The following STEAP2 variants were observed in gnomAD, a reference collection of about 807,000 sequenced individuals.
STEAP2 encodes the protein metalloreductase STEAP2.
Under a neutral mutation model 46.4 loss-of-function variants are expected in STEAP2, and 30 were observed. The observed-to-expected ratio is 0.65, with a 90% CI of 0.48 to 0.88. The LOEUF is 0.88. Among genes scored for constraint, STEAP2 ranks in the 40% least tolerant of loss-of-function variants. The probability of loss-of-function intolerance (pLI) is 0.00; values close to 1 mark genes in which losing one functional copy is unlikely to be tolerated. For synonymous variants in STEAP2, 180 were observed against 200.5 expected (o/e 0.90, Z 0.86); for missense variants, 513 against 579.3 (o/e 0.89, Z 1.18).
rs568257021 is a variant in STEAP2, at chr7:90,214,705, A to G, written c.-146-1786A>G. Among the ~76,000 whole-genome samples, 90 of 152,194 alleles carry G rather than the reference A, an allele frequency of 5.9e-4. 1 individual carries two copies. Among genetic ancestry groups the G allele is most frequent in the African/African-American group, 2.0e-3 (81 of 41,522 alleles). ...GAGAAACCAGAGCAGGCTGAAGGAG[A>G]GTGCAGGATATTAAGCAATTAGAGA... On this transcript the variant is annotated intron_variant, in intron 1 of 5. Coordinates refer to ENST00000394621, the MANE Select transcript of STEAP2 (RefSeq NM_001244944.2).
downstream of STEAP2, among the ~76,000 whole-genome samples, chr7:90,241,220 T>C (rs1339813843): frequency 6.6e-6 from 1 of 151,676 alleles, no homozygotes; most frequent in Admixed American, 6.6e-5. Context: ...CTTCTCAAAT[T>C]TTGATGTGAG....
rs1399643722 is a variant in STEAP2 at position 90,233,003 on chromosome 7, T to C, written c.*379T>C. On this transcript the variant is annotated 3_prime_UTR_variant, in exon 6 of 6. Transcript: ENST00000394621. ...TTTAAAATAATTCAATGGATATACATTTTTTTCTGAAGATTAAGATTTTAA... is the reference window on the plus strand; with the variant it reads ...TTTAAAATAATTCAATGGATATACACTTTTTTCTGAAGATTAAGATTTTAA... The C allele has an allele frequency of 2.1e-6, 2 of 964,094 alleles. No homozygotes were observed. The highest frequency in any genetic ancestry group is 6.1e-5 in the Admixed American group (1 of 16,356). The allele number at this position is 964,094 out of a possible 1,614,324, so 59.7% of individuals were successfully genotyped here. A position where few individuals can be genotyped will look rare whatever the true frequency, so the allele number is the denominator to read the frequency against.
Position 90,233,252 on chromosome 7 carries a change from A to G in STEAP2, c.*628A>G, listed in dbSNP as rs910396520. The G allele has an allele frequency of 1.1e-6, 1 of 938,314 alleles. No individual in the cohort carries two copies. The highest frequency in any genetic ancestry group is 1.8e-5 in the African/African-American group (1 of 56,202). The allele number at this position is 938,314 out of a possible 1,614,324, so 58.1% of individuals were successfully genotyped here. A position where few individuals can be genotyped will look rare whatever the true frequency, so the allele number is the denominator to read the frequency against. On this transcript the variant is annotated 3_prime_UTR_variant, in exon 6 of 6. Transcript: ENST00000394621. ...ATTATATTTAAAATATATTTGAGACATGAAATACATACTGATAATACATAC... is the reference window on the plus strand; with the variant it reads ...ATTATATTTAAAATATATTTGAGACGTGAAATACATACTGATAATACATAC...
chr7:90,212,637 G>A (rs1450549952), intron 1 of STEAP2, among the ~76,000 whole-genome samples: 2 of 152,152 alleles, frequency 1.3e-5, no homozygotes, highest in African/African-American at 4.8e-5. Context: ...TCTTAAAATA[G>A]AGCAGAGAGA....
At chr7:90,223,254 C>T (rs999689934) in intron 2 of STEAP2, among the ~76,000 whole-genome samples, 2 of 152,206 alleles carry the variant, frequency 1.3e-5, no homozygotes, top group Admixed American at 6.5e-5. Flanking sequence ...CTTTCTCACA[C>T]TGTCCATCCT....
chr7:90,236,764 T>C lies in STEAP2; in HGVS notation c.*4140T>C. 1.4e-6 allele frequency: 2 copies of C among 1,448,622 alleles called. No individual in the cohort carries two copies. The highest frequency in any genetic ancestry group is 3.0e-5 in the South Asian group (2 of 66,364). 89.7% of individuals were successfully genotyped at this position (1,448,622 alleles called of 1,614,324 possible). On this transcript the variant is annotated 3_prime_UTR_variant, in exon 6 of 6. Coordinates refer to ENST00000394621, the MANE Select transcript of STEAP2 (RefSeq NM_001244944.2). Reference sequence around the variant, plus strand: ...ATTTCCATCATGCATTCATCCAAAATTAAGGCAGACTGTTTGGATTCTTCC... The same window carrying C: ...ATTTCCATCATGCATTCATCCAAAACTAAGGCAGACTGTTTGGATTCTTCC...
chr7:90,239,795 G>A (rs146555372), downstream of STEAP2, among the ~76,000 whole-genome samples: 838 of 152,124 alleles, frequency 5.5e-3, 5 homozygotes, highest in African/African-American at 0.019. Flanking sequence ...TTGGGTTATT[G>A]TTAGTATACT....
intron 2 of STEAP2, among the ~76,000 whole-genome samples, chr7:90,218,448 G>A (rs1562802302): frequency 1.3e-5 from 2 of 152,094 alleles, no homozygotes; most frequent in Admixed American, 6.5e-5. Context: ...TTTGTATATG[G>A]TGAGGGACAG....
chr7:90,230,552 C>T (rs1287167334), intron 5 of STEAP2, among the ~76,000 whole-genome samples: 1 of 151,866 alleles, frequency 6.6e-6, no homozygotes, highest in Non-Finnish European at 1.5e-5. Flanking sequence ...TTATAACATG[C>T]AACCAGCCTT....
At chr7:90,243,157 A>G in the STEAP2 span, among the ~76,000 whole-genome samples, 1 of 152,206 alleles carries the variant, frequency 6.6e-6, no homozygotes, top group African/African-American at 2.4e-5. Flanking sequence ...ATCTAGTGTT[A>G]CCATTTTTCT....
chr7:90,235,421 A>AT lies in STEAP2; in HGVS notation c.*2803dup. 1 of 981,094 alleles carries AT rather than the reference A, an allele frequency of 1.0e-6. No homozygotes were observed. The highest frequency in any genetic ancestry group is 1.2e-6 in the Non-Finnish European group (1 of 826,072). 60.8% of individuals were successfully genotyped at this position (981,094 alleles called of 1,614,324 possible). ...TATGTGATTATTTTTCTTAATTGTT[A>AT]TTTTTTATAATCATTATTTTTCTGA... On this transcript the variant is annotated 3_prime_UTR_variant, in exon 6 of 6. Transcript: ENST00000394621.
Position 90,233,834 on chromosome 7 carries a change from G to A in STEAP2, c.*1210G>A. ...CTAGATGCTTCCTCTTTTGTATAAAGTCACTGACATTCTTTAGAGTGGGTT... is the reference window on the plus strand; with the variant it reads ...CTAGATGCTTCCTCTTTTGTATAAAATCACTGACATTCTTTAGAGTGGGTT... On this transcript the variant is annotated 3_prime_UTR_variant, in exon 6 of 6. Transcript: ENST00000394621. 1.0e-6 allele frequency: 1 copy of A among 985,302 alleles called. No individual in the cohort carries two copies. The highest frequency in any genetic ancestry group is 1.2e-6 in the Non-Finnish European group (1 of 829,900). 61.0% of individuals were successfully genotyped at this position (985,302 alleles called of 1,614,324 possible).
intron 1 of STEAP2, among the ~76,000 whole-genome samples, chr7:90,212,776 T>C (rs1794870381): frequency 6.6e-6 from 1 of 152,096 alleles, no homozygotes; most frequent in African/African-American, 2.4e-5. Context: ...CCATAGTTAA[T>C]TATCGCTCAT....
chr7:90,238,614 T>C (rs1796021557), downstream of STEAP2, among the ~76,000 whole-genome samples: 1 of 152,308 alleles, frequency 6.6e-6, no homozygotes, highest in Non-Finnish European at 1.5e-5. Flanking sequence ...AACACCTGTG[T>C]TTGTGTTCCC....
In STEAP2 at chr7:90,234,295, C is replaced by T. The variant is rs1300753904; in HGVS notation, c.*1671C>T. The T allele has an allele frequency of 1.6e-5, 16 of 985,174 alleles. No individual in the cohort carries two copies. Among genetic ancestry groups the T allele is most frequent in the Non-Finnish European group, 1.9e-5 (16 of 829,874 alleles). The allele number at this position is 985,174 out of a possible 1,614,324, so 61.0% of individuals were successfully genotyped here. ...CCTACATTCCCCCCACCCCAATTTG[C>T]TATTTCCTTATTAAAATAGAAAATT... On this transcript the variant is annotated 3_prime_UTR_variant, in exon 6 of 6. Transcript: ENST00000394621.
downstream of STEAP2, among the ~76,000 whole-genome samples, chr7:90,240,755 T>G (rs1194998843): frequency 6.6e-6 from 1 of 152,246 alleles, no homozygotes; most frequent in Admixed American, 6.5e-5. The surrounding 1 kb of genome is among the most constrained non-coding windows in gnomAD (Gnocchi z 4.1). Flanking sequence ...CAGGTGCTAC[T>G]AAGAAATTGC....
intron 2 of STEAP2, among the ~76,000 whole-genome samples, chr7:90,218,076 A>G (rs1795102994): frequency 6.6e-6 from 1 of 152,176 alleles, no homozygotes; most frequent in South Asian, 2.1e-4. Flanking sequence ...TTCTTTGGAA[A>G]AATGTCTATT....
At chr7:90,219,906 T>G (rs1438507894) in intron 2 of STEAP2, among the ~76,000 whole-genome samples, 1 of 152,150 alleles carries the variant, frequency 6.6e-6, no homozygotes, top group Non-Finnish European at 1.5e-5. Flanking sequence ...TTAAATTTTT[T>G]GTAGAGACGA....
chr7:90,236,381 T>C lies in STEAP2; in HGVS notation c.*3757T>C. The C allele has an allele frequency of 1.0e-6, 1 of 984,374 alleles. No homozygotes were observed. Among genetic ancestry groups the C allele is most frequent in the South Asian group, 4.7e-5 (1 of 21,272 alleles). The allele number at this position is 984,374 out of a possible 1,614,324, so 61.0% of individuals were successfully genotyped here. On this transcript the variant is annotated 3_prime_UTR_variant, in exon 6 of 6. Coordinates refer to ENST00000394621, the MANE Select transcript of STEAP2 (RefSeq NM_001244944.2). ...CCTAAAATGTGTTGAAATTATTTTG[T>C]AAATCCATGACTTAAAACAAGATAC... is the stretch of plus-strand genomic sequence containing the variant.
Sources: gnomAD v4.1 joint callset for allele counts (sites outside exome capture counted in the v4.1 genomes callset) on GRCh38, gnomAD v4.1.1 for gene constraint, Gnocchi (gnomAD v3.1) non-coding constraint, MANE v1.5 for transcripts, NCBI Gene and HGNC (gene_info 2026-07-23, HGNC 2026-07-21) for gene names.